The following TMEM184C variants were observed in gnomAD, a reference collection of about 807,000 sequenced individuals.
TMEM184C encodes the protein transmembrane protein 184C.
TMEM184C carries 25 observed loss-of-function variants against 54.5 expected under a neutral mutation model. The ratio of observed to expected loss-of-function variants is 0.46; its 90% CI spans 0.33 to 0.64. The LOEUF (loss-of-function observed/expected upper bound fraction) is 0.64, where lower values mean the gene tolerates loss of function less well. TMEM184C is among the 30% of genes least tolerant of loss of function. The pLI is 0.02. For missense variants in TMEM184C, 335 were observed against 520.3 expected (o/e 0.64, Z 3.46); for synonymous variants, 148 against 181.5 (o/e 0.82, Z 1.49).
intron 1 of TMEM184C, among the ~76,000 whole-genome samples, chr4:147,621,559 TTGAG>T (rs1191670364): frequency 2.0e-5 from 3 of 152,300 alleles, no homozygotes; most frequent in African/African-American, 7.2e-5. Context: ...ATAGCTAGTG[TTGAG>T]TTATTCTATT....
chr4:147,632,559 T>A (rs1286640022), intron 7 of TMEM184C: 1 of 188,696 alleles, frequency 5.3e-6, no homozygotes, highest in African/African-American at 2.3e-5. Flanking sequence ...TTCCTAATTT[T>A]TTTACCATTA....
chr4:147,627,849 T>C (rs2718446), intron 4 of TMEM184C, among the ~76,000 whole-genome samples: 9,333 of 147,266 alleles, frequency 0.063, 243 homozygotes, highest in South Asian at 0.11. Context: ...CTGGGCAACA[T>C]AGTGAGACCC....
In TMEM184C at chr4:147,624,111, C is replaced by A; in HGVS notation, c.291+13C>A. 1 of 1,582,964 alleles carries A rather than the reference C, an allele frequency of 6.3e-7. No individual in the cohort carries two copies. The highest frequency in any genetic ancestry group is 1.1e-5 in the South Asian group (1 of 89,584). On this transcript the variant is annotated intron_variant, in intron 3 of 9. Coordinates refer to ENST00000296582, the MANE Select transcript of TMEM184C (RefSeq NM_018241.3). ...CAGTTTAGATAGTGTAAGTATGTTTCATTTTTATCTCATTAACTAAGGACT... is the reference window on the plus strand; with the variant it reads ...CAGTTTAGATAGTGTAAGTATGTTTAATTTTTATCTCATTAACTAAGGACT...
At chr4:147,620,498 A>G (rs895852039) in intron 1 of TMEM184C, among the ~76,000 whole-genome samples, 1 of 152,246 alleles carries the variant, frequency 6.6e-6, no homozygotes, top group African/African-American at 2.4e-5. Flanking sequence ...TCTACCAGCT[A>G]TGGAAAATAA....
intron 6 of TMEM184C, among the ~76,000 whole-genome samples, chr4:147,630,891 T>TA (rs1348168407): frequency 1.3e-5 from 2 of 152,122 alleles, no homozygotes; most frequent in Admixed American, 6.5e-5. Context: ...TTGTTCATTT[T>TA]AAAAAATAAA....
Position 147,635,166 on chromosome 4 carries a change from G to A in TMEM184C, c.*732G>A, listed in dbSNP as rs1357566281. On this transcript the variant is annotated 3_prime_UTR_variant, in exon 10 of 10. Coordinates refer to ENST00000296582, the MANE Select transcript of TMEM184C (RefSeq NM_018241.3). ...GCCATATAAGCTTACCTAACAAACAGTTATATCCCTATTCCTCAACTGAAT... is the reference window on the plus strand; with the variant it reads ...GCCATATAAGCTTACCTAACAAACAATTATATCCCTATTCCTCAACTGAAT... 2 of 152,116 alleles carry A rather than the reference G, an allele frequency of 1.3e-5. No homozygotes were observed. The highest frequency in any genetic ancestry group is 6.5e-5 in the Admixed American group (1 of 15,276). The allele number at this position is 152,116 out of a possible 1,614,324, so 9.4% of individuals were successfully genotyped here.
rs1733000054 is a variant in TMEM184C at position 147,635,316 on chromosome 4, G to GT, written c.*883dup. On this transcript the variant is annotated 3_prime_UTR_variant, in exon 10 of 10. Transcript: ENST00000296582. ...TGATTAGAGGCACAGTGAAAAAGAA[G>GT]TCAAAAAAAAAAGTTCTACTTTTCA... 6.6e-6 allele frequency: 1 copy of GT among 151,532 alleles called. No homozygotes were observed. The highest frequency in any genetic ancestry group is 2.4e-5 in the African/African-American group (1 of 41,298). 9.4% of individuals were successfully genotyped at this position (151,532 alleles called of 1,614,324 possible).
At chr4:147,632,276 G>GA (rs1732931885) in intron 7 of TMEM184C, among the ~76,000 whole-genome samples, 1 of 150,188 alleles carries the variant, frequency 6.7e-6, no homozygotes, top group Non-Finnish European at 1.5e-5. Flanking sequence ...AAGGGAAAAA[G>GA]AAAAATCCCT....
At chr4:147,633,275 T>C (rs759788271) in intron 8 of TMEM184C, among the ~76,000 whole-genome samples, 2 of 151,830 alleles carry the variant, frequency 1.3e-5, no homozygotes, top group African/African-American at 2.4e-5. Flanking sequence ...CTTGATGTGA[T>C]TGAGAATGAA....
intron 1 of TMEM184C, among the ~76,000 whole-genome samples, chr4:147,619,212 T>C (rs1732659044): frequency 6.7e-6 from 1 of 150,042 alleles, no homozygotes; most frequent in Non-Finnish European, 1.5e-5. Context: ...ATTTATTTAT[T>C]TTTGAGAAAG....
At chr4:147,633,057 T>A (rs931615559) in intron 8 of TMEM184C, 55 bp downstream of exon 8, 14 of 1,475,612 alleles carry the variant, frequency 9.5e-6, no homozygotes, top group Non-Finnish European at 1.1e-5. Context: ...TAAGCATTTT[T>A]ACATATCTCC....
At chr4:147,632,232 T>TA (rs1732930903) in intron 7 of TMEM184C, among the ~76,000 whole-genome samples, 2 of 134,590 alleles carry the variant, frequency 1.5e-5, no homozygotes, top group Middle Eastern at 3.5e-3. Context: ...TAGAAACAAA[T>TA]ACACCAAATT....
chr4:147,624,276 T>G (rs1306422890), intron 3 of TMEM184C, among the ~76,000 whole-genome samples, 178 bp downstream of exon 3: 1 of 152,132 alleles, frequency 6.6e-6, no homozygotes, highest in East Asian at 1.9e-4. Context: ...TAAAATGTTA[T>G]ATTATAAATG....
Position 147,635,732 on chromosome 4 carries a change from A to T in TMEM184C, c.*1298A>T, listed in dbSNP as rs1733021607. On this transcript the variant is annotated 3_prime_UTR_variant, in exon 10 of 10. Transcript: ENST00000296582. ...AACTAAAACTGGGCTCTATGTAAAA[A>T]CCCCAAAGATACACACACAAAAAAA... 6.6e-6 allele frequency: 1 copy of T among 152,010 alleles called. No homozygotes were observed. The highest frequency in any genetic ancestry group is 2.1e-4 in the South Asian group (1 of 4,820). The allele number at this position is 152,010 out of a possible 1,614,324, so 9.4% of individuals were successfully genotyped here. A position where few individuals can be genotyped will look rare whatever the true frequency, so the allele number is the denominator to read the frequency against.
At position 147,628,393 on chromosome 4, in the gene TMEM184C, T is replaced by C; in HGVS notation, c.530T>C (p.Leu177Ser). Residue 177 changes from leucine to serine, a missense_variant, in exon 5 of 10, where the codon TTA (leucine) becomes TCA (serine). Leu to Ser is a moderately radical substitution (Grantham distance 145). Coordinates refer to ENST00000296582, the MANE Select transcript of TMEM184C (RefSeq NM_018241.3). ...CTGTTTAGGTGCAAACTAGGTGTATTACAGTACACAGTTGTCAGACCTTTC... is the reference window on the plus strand; with the variant it reads ...CTGTTTAGGTGCAAACTAGGTGTATCACAGTACACAGTTGTCAGACCTTTC... ...VLLFRCKLGV[L>S]QYTVVRPFTT... 6.2e-7 allele frequency: 1 copy of C among 1,613,874 alleles called. No individual in the cohort carries two copies. The highest frequency in any genetic ancestry group is 8.5e-7 in the Non-Finnish European group (1 of 1,179,916).
intron 4 of TMEM184C, among the ~76,000 whole-genome samples, chr4:147,625,569 T>C (rs1732799084): frequency 6.6e-6 from 1 of 152,234 alleles, no homozygotes; most frequent in South Asian, 2.1e-4. Flanking sequence ...AACAGTGTTT[T>C]AGAAAGATTA....
In TMEM184C at chr4:147,624,040, TTC is replaced by T. The variant is rs1732764663; in HGVS notation, c.255-20_255-19del. On this transcript the variant is annotated intron_variant, in intron 2 of 9. Transcript: ENST00000296582. ...AAATATGACATAAAATGTTTTAAAT[TTC>T]TGTTTTCCTTTTCCAATAGGATTCT... 19 of 1,611,636 alleles carry T rather than the reference TTC, an allele frequency of 1.2e-5. No individual in the cohort carries two copies. Among genetic ancestry groups the T allele is most frequent in the Admixed American group, 1.7e-5 (1 of 59,922 alleles).
chr4:147,633,366 G>A (rs566634653), intron 8 of TMEM184C, among the ~76,000 whole-genome samples: 7 of 151,190 alleles, frequency 4.6e-5, no homozygotes, highest in Admixed American at 2.7e-4. Context: ...TAAGGCCAAC[G>A]TTGGGGGATC....
At chr4:147,624,748 T>C in intron 3 of TMEM184C, 56 bp from the exon 4 acceptor site, 1 of 1,526,838 alleles carries the variant, frequency 6.5e-7, no homozygotes, top group Non-Finnish European at 9.0e-7. Context: ...ATGAATGGAG[T>C]GGTGATTCAT....
Sources: allele counts gnomAD v4.1 joint callset (sites outside exome capture counted in the v4.1 genomes callset), GRCh38; gene constraint gnomAD v4.1.1; transcripts MANE v1.5; gene names NCBI Gene and HGNC (gene_info 2026-07-23, HGNC 2026-07-21).